CDH13: variants seen among roughly 807,000 people sequenced by gnomAD.
The protein encoded by CDH13 is cadherin-13.
Under a neutral mutation model 63.8 loss-of-function variants are expected in CDH13, and 24 were observed. The ratio of observed to expected loss-of-function variants is 0.38; its 90% CI spans 0.27 to 0.53. The LOEUF (loss-of-function observed/expected upper bound fraction) is 0.53. CDH13 is among the 20% of genes least tolerant of loss of function. The pLI is 0.85. For missense variants in CDH13, 1,049 were observed against 903.1 expected (o/e 1.16, Z -2.07); for synonymous variants, 503 against 355.3 (o/e 1.42, Z -4.67).
At chr16:83,544,852 A>G (rs1383240304) in intron 7 of CDH13, among the ~76,000 whole-genome samples, 1 of 152,204 alleles carries the variant, frequency 6.6e-6, no homozygotes, top group Non-Finnish European at 1.5e-5. Context: ...AAGATACAAA[A>G]TACATCTAAC....
chr16:83,457,126 G>A (rs1409139098), intron 6 of CDH13, among the ~76,000 whole-genome samples: 1 of 152,294 alleles, frequency 6.6e-6, no homozygotes, highest in Non-Finnish European at 1.5e-5. Context: ...CTGGGCACCG[G>A]CCCAAGCTCT....
intron 5 of CDH13, among the ~76,000 whole-genome samples, chr16:83,268,978 C>T (rs942604415): frequency 6.6e-6 from 1 of 152,156 alleles, no homozygotes; most frequent in Non-Finnish European, 1.5e-5. Context: ...CATGAAGGTG[C>T]TTTTATTTCC....
Position 83,553,566 on chromosome 16 carries a change from T to G in CDH13, c.961-48888T>G, listed in dbSNP as rs559900145. Reference sequence around the variant, plus strand: ...ATGGGTTTTTTTTGTTGTTGTTGTATTTTTTTCTCAGATGGAGTATCGCTC... The same window carrying G: ...ATGGGTTTTTTTTGTTGTTGTTGTAGTTTTTTCTCAGATGGAGTATCGCTC... On this transcript the variant is annotated intron_variant, in intron 7 of 13. Coordinates refer to ENST00000567109, the MANE Select transcript of CDH13 (RefSeq NM_001257.5). 9.0e-4 allele frequency among the ~76,000 whole-genome samples: 137 copies of G among 152,302 alleles called. 2 individuals are homozygous for G. The highest frequency in any genetic ancestry group is 3.0e-3 in the African/African-American group (126 of 41,552).
intron 5 of CDH13, among the ~76,000 whole-genome samples, chr16:83,335,120 C>T (rs2090565898): frequency 6.6e-6 from 1 of 152,136 alleles, no homozygotes; most frequent in Non-Finnish European, 1.5e-5. Flanking sequence ...TATAAATAAA[C>T]AATATAGTAT....
intron 8 of CDH13, among the ~76,000 whole-genome samples, chr16:83,650,983 C>G (rs771275244): frequency 1.3e-5 from 2 of 151,756 alleles, no homozygotes; most frequent in Non-Finnish European, 2.9e-5. Context: ...TGCCTGCAGT[C>G]CCAGCTACTC....
At chr16:83,390,588 T>C (rs1347506084) in intron 6 of CDH13, among the ~76,000 whole-genome samples, 1 of 152,094 alleles carries the variant, frequency 6.6e-6, no homozygotes, top group African/African-American at 2.4e-5. Context: ...CTGTTTCTAT[T>C]ATCAACAAGA....
intron 1 of CDH13, among the ~76,000 whole-genome samples, chr16:82,744,785 C>G (rs774980903): frequency 2.0e-5 from 3 of 152,156 alleles, no homozygotes; most frequent in Non-Finnish European, 2.9e-5. Flanking sequence ...ATTTATGTTT[C>G]TTGTGCTACA....
intron 8 of CDH13, among the ~76,000 whole-genome samples, chr16:83,631,700 TTGA>T (rs1910793997): frequency 1.3e-5 from 2 of 151,998 alleles, no homozygotes; most frequent in African/African-American, 4.8e-5. Flanking sequence ...CAACAAAATG[TTGA>T]TGAGGGGAGC....
At chr16:82,929,483 C>G (rs1039807402) in intron 2 of CDH13, among the ~76,000 whole-genome samples, 26 of 151,204 alleles carry the variant, frequency 1.7e-4, no homozygotes, top group East Asian at 5.9e-4. Flanking sequence ...AACCCCGTCT[C>G]TACTAAAAAT....
chr16:83,132,722 T>C (rs938246529), intron 4 of CDH13, among the ~76,000 whole-genome samples: 6 of 152,104 alleles, frequency 3.9e-5, no homozygotes, highest in African/African-American at 1.4e-4. Flanking sequence ...GCACCTGGCC[T>C]TAATTTCCCC....
At chr16:83,613,822 G>A (rs549802333) in intron 8 of CDH13, among the ~76,000 whole-genome samples, 1 of 150,214 alleles carries the variant, frequency 6.7e-6, no homozygotes, top group South Asian at 2.1e-4. Context: ...GACAGAATGA[G>A]AGTCTGCCTC....
At chr16:82,738,929 G>T (rs931599559) in intron 1 of CDH13, among the ~76,000 whole-genome samples, 8 of 152,154 alleles carry the variant, frequency 5.3e-5, no homozygotes, top group Non-Finnish European at 8.8e-5. Flanking sequence ...TGTTCCCTGT[G>T]CCTCACACAT....
intron 1 of CDH13, among the ~76,000 whole-genome samples, chr16:82,634,294 C>G (rs764456885): frequency 5.3e-5 from 8 of 152,252 alleles, no homozygotes; most frequent in Non-Finnish European, 1.2e-4. Flanking sequence ...CTCAAGGTGT[C>G]AGGGAACCGC....
chr16:82,910,092 C>T (rs949336744), intron 2 of CDH13, among the ~76,000 whole-genome samples: 6 of 152,190 alleles, frequency 3.9e-5, no homozygotes, highest in African/African-American at 1.4e-4. Context: ...TTCTCCACCC[C>T]TCTTTACGCA....
intron 2 of CDH13, among the ~76,000 whole-genome samples, chr16:83,027,751 C>A (rs891577201): frequency 5.3e-5 from 8 of 152,156 alleles, no homozygotes; most frequent in Non-Finnish European, 1.0e-4. Flanking sequence ...TCCATTCTAA[C>A]TTCCTTCAAT....
At chr16:82,794,933 G>A (rs1045453614) in intron 1 of CDH13, among the ~76,000 whole-genome samples, 5 of 152,212 alleles carry the variant, frequency 3.3e-5, no homozygotes, top group Non-Finnish European at 2.9e-5. Context: ...AGAAATGGCT[G>A]TGGGTTGGTC....
intron 2 of CDH13, among the ~76,000 whole-genome samples, chr16:82,945,447 G>A (rs957833873): frequency 6.6e-6 from 1 of 152,314 alleles, no homozygotes; most frequent in Admixed American, 6.5e-5. Flanking sequence ...GACTGAAACC[G>A]AGAGCTTTCC....
Position 83,032,401 on chromosome 16 carries a change from G to A in CDH13, c.366+183G>A, listed in dbSNP as rs1003936610. On this transcript the variant is annotated intron_variant, in intron 3 of 13. Transcript: ENST00000567109. ...GGGCAGCGGGAATTAATTGATTCAT[G>A]TAACTAATTGAGGCATAGTTCGTGG... The A allele has an allele frequency of 6.8e-6, 4 of 587,940 alleles. No homozygotes were observed. In the African/African-American group the frequency reaches 7.5e-5, roughly 11 times the overall value. 36.4% of individuals were successfully genotyped at this position (587,940 alleles called of 1,614,324 possible).
chr16:83,267,606 G>A (rs565159125), intron 5 of CDH13, among the ~76,000 whole-genome samples: 177 of 152,214 alleles, frequency 1.2e-3, no homozygotes, highest in African/African-American at 4.0e-3. Context: ...GTTTGTTACC[G>A]CGGGAGTGGG....
Sources: gnomAD v4.1 joint callset for allele counts (sites outside exome capture counted in the v4.1 genomes callset) on GRCh38, gnomAD v4.1.1 for gene constraint, MANE v1.5 for transcripts, NCBI Gene and HGNC (gene_info 2026-07-23, HGNC 2026-07-21) for gene names.